Variants in LRRTM4 observed in about 807,000 individuals in gnomAD.
The protein encoded by LRRTM4 is leucine-rich repeat transmembrane neuronal protein 4.
A neutral mutation model predicts 47.6 loss-of-function variants in LRRTM4; 25 were observed. That is an observed-to-expected ratio of 0.53 (90% CI 0.38 to 0.73). The LOEUF is 0.73. LRRTM4 is among the 30% of genes least tolerant of loss of function. The pLI is 0.00. For missense variants in LRRTM4, 638 were observed against 713.4 expected (o/e 0.89, Z 1.20); for synonymous variants, 311 against 269.5 (o/e 1.15, Z -1.51).
chr2:76,807,408 G>GTA (rs1217096293), intron 3 of LRRTM4, among the ~76,000 whole-genome samples: 739 of 40,216 alleles, frequency 0.018, 5 homozygotes, highest in African/African-American at 0.049. Flanking sequence ...ATGTATATAC[G>GTA]TATATATATA....
intron 3 of LRRTM4, among the ~76,000 whole-genome samples, chr2:77,271,817 A>G (rs1207341053): frequency 1.3e-5 from 2 of 152,216 alleles, no homozygotes; most frequent in Non-Finnish European, 2.9e-5. Flanking sequence ...CTGATCCAAT[A>G]GCAGATTTCT....
intron 3 of LRRTM4, among the ~76,000 whole-genome samples, chr2:77,331,937 G>A (rs1236458580): frequency 6.6e-6 from 1 of 152,024 alleles, no homozygotes; most frequent in Non-Finnish European, 1.5e-5. Flanking sequence ...AAAATTTTCT[G>A]AATACCAGTC....
chr2:76,852,385 T>C (rs1317020804), intron 3 of LRRTM4, among the ~76,000 whole-genome samples: 1 of 152,182 alleles, frequency 6.6e-6, no homozygotes, highest in African/African-American at 2.4e-5. Flanking sequence ...GTAATTCTTT[T>C]CTGACTATGC....
chr2:76,756,778 C>A (rs1026954965), intron 3 of LRRTM4, among the ~76,000 whole-genome samples: 3 of 152,014 alleles, frequency 2.0e-5, no homozygotes, highest in African/African-American at 7.2e-5. Flanking sequence ...AGAGAAAAAT[C>A]TGCAGAAATA....
At chr2:76,789,984 G>GGT (rs1324864839) in intron 3 of LRRTM4, among the ~76,000 whole-genome samples, 2 of 152,130 alleles carry the variant, frequency 1.3e-5, no homozygotes, top group Non-Finnish European at 2.9e-5. Context: ...AGTTGCCTGA[G>GGT]GTGTGTGTCG....
chr2:77,162,661 A>G (rs1281037756), intron 3 of LRRTM4, among the ~76,000 whole-genome samples: 1 of 152,076 alleles, frequency 6.6e-6, no homozygotes, highest in Non-Finnish European at 1.5e-5. Flanking sequence ...TTGCCATTCC[A>G]CAATATTTTC....
intron 3 of LRRTM4, among the ~76,000 whole-genome samples, chr2:77,402,833 C>T (rs936624469): frequency 5.3e-5 from 8 of 151,968 alleles, no homozygotes; most frequent in Middle Eastern, 3.4e-3. Flanking sequence ...ATTTACATCC[C>T]GAAACTAGAA....
intron 3 of LRRTM4, among the ~76,000 whole-genome samples, chr2:77,302,679 T>C (rs557241971): frequency 2.6e-5 from 4 of 152,328 alleles, no homozygotes; most frequent in Non-Finnish European, 5.9e-5. Flanking sequence ...CTGGTTATAG[T>C]AGAAGAAGCT....
intron 3 of LRRTM4, among the ~76,000 whole-genome samples, chr2:77,095,369 A>C (rs546431712): frequency 1.4e-4 from 21 of 152,272 alleles, no homozygotes; most frequent in African/African-American, 5.1e-4. Flanking sequence ...CTAAAACTCA[A>C]ATTACCATAT....
intron 3 of LRRTM4, among the ~76,000 whole-genome samples, chr2:76,871,215 G>A (rs1272897812): frequency 1.3e-5 from 2 of 152,064 alleles, no homozygotes; most frequent in Non-Finnish European, 2.9e-5. Flanking sequence ...AAAAGAAATA[G>A]AAAAGCCTTT....
intron 3 of LRRTM4, among the ~76,000 whole-genome samples, chr2:77,043,311 A>G (rs1233576620): frequency 1.3e-5 from 2 of 151,678 alleles, no homozygotes; most frequent in Non-Finnish European, 2.9e-5. Flanking sequence ...GCGTGCTTAA[A>G]TTTTCTCCAC....
At chr2:76,984,250 C>G (rs181822986) in intron 3 of LRRTM4, among the ~76,000 whole-genome samples, 1 of 151,812 alleles carries the variant, frequency 6.6e-6, no homozygotes, top group African/African-American at 2.4e-5. Flanking sequence ...ATAGCAATTG[C>G]TTTTTTATAT....
intron 3 of LRRTM4, among the ~76,000 whole-genome samples, chr2:76,840,941 T>C (rs866865687): frequency 1.3e-4 from 19 of 151,762 alleles, no homozygotes; most frequent in African/African-American, 4.6e-4. Context: ...ACCCAAAGGA[T>C]TATAAATCAT....
intron 3 of LRRTM4, among the ~76,000 whole-genome samples, chr2:76,899,875 T>G (rs1050067311): frequency 6.6e-6 from 1 of 152,140 alleles, no homozygotes; most frequent in Admixed American, 6.5e-5. Flanking sequence ...GCACACAACA[T>G]TGCCTTTTGC....
At chr2:76,877,278 A>G (rs752434090) in intron 3 of LRRTM4, among the ~76,000 whole-genome samples, 20 of 152,090 alleles carry the variant, frequency 1.3e-4, no homozygotes, top group Non-Finnish European at 2.9e-4. Flanking sequence ...ACATTTCCAT[A>G]ATTTTTGTGC....
intron 3 of LRRTM4, among the ~76,000 whole-genome samples, chr2:77,354,432 TG>T (rs1671896241): frequency 2.5e-5 from 2 of 80,308 alleles, no homozygotes; most frequent in Admixed American, 1.6e-4. Context: ...ATTTATTGGG[TG>T]GGGGTGGGTA....
At chr2:77,132,240 G>T (rs1358315364) in intron 3 of LRRTM4, among the ~76,000 whole-genome samples, 1 of 152,088 alleles carries the variant, frequency 6.6e-6, no homozygotes, top group East Asian at 1.9e-4. Flanking sequence ...TAGAACATGT[G>T]ATATCTGTCT....
chr2:77,119,517 C>T (rs1428692394), intron 3 of LRRTM4, among the ~76,000 whole-genome samples: 1 of 151,734 alleles, frequency 6.6e-6, no homozygotes, highest in Non-Finnish European at 1.5e-5. Context: ...TTAGGCATAG[C>T]TATCAAATAA....
chr2:77,074,337 T>C (rs1387270153), intron 3 of LRRTM4, among the ~76,000 whole-genome samples: 1 of 152,194 alleles, frequency 6.6e-6, no homozygotes, highest in Non-Finnish European at 1.5e-5. Context: ...TGGCTGATCA[T>C]CTTCAAATTT....
Sources: gnomAD v4.1 joint callset for allele counts (sites outside exome capture counted in the v4.1 genomes callset) on GRCh38, gnomAD v4.1.1 for gene constraint, MANE v1.5 for transcripts, NCBI Gene and HGNC (gene_info 2026-07-23, HGNC 2026-07-21) for gene names.